The following ZBTB16 variants were observed in gnomAD, a reference collection of about 807,000 sequenced individuals.
The protein encoded by ZBTB16 is zinc finger and BTB domain-containing protein 16.
In ZBTB16, 8 loss-of-function variants were observed where a neutral mutation model predicts 56.8. The observed-to-expected ratio is 0.14, with a 90% CI of 0.08 to 0.25. The LOEUF is 0.25. Among genes scored for constraint, ZBTB16 ranks in the 10% least tolerant of loss-of-function variants. The pLI, the probability that ZBTB16 is intolerant of heterozygous loss-of-function variation, is 1.00. For synonymous variants in ZBTB16, 363 were observed against 368.5 expected (o/e 0.98, Z 0.17); for missense variants, 625 against 903.0 (o/e 0.69, Z 3.95).
In ZBTB16 at chr11:114,187,048, C is replaced by G. The variant is rs1188138472; in HGVS notation, c.1453+10C>G. On this transcript the variant is annotated intron_variant, in intron 4 of 6. Coordinates refer to ENST00000335953, the MANE Select transcript of ZBTB16 (RefSeq NM_006006.6). ...AGGCAGACCCATACTGGTGAGTTGA[C>G]TTGGATTCCTGTTCTCCAGGTTTTC... 2 of 1,613,552 alleles carry G rather than the reference C, an allele frequency of 1.2e-6. No individual in the cohort carries two copies. The highest frequency in any genetic ancestry group is 1.7e-5 in the Admixed American group (1 of 59,996).
Position 114,064,028 on chromosome 11 carries a change from C to T in ZBTB16, c.728C>T (p.Thr243Met), listed in dbSNP as rs749320934. The T allele has an allele frequency of 6.9e-5, 112 of 1,613,010 alleles. No individual in the cohort carries two copies. The South Asian group carries it at 7.1e-4, about 10-fold the overall frequency. Residue 243 changes from threonine to methionine, a missense_variant, in exon 2 of 7, where the codon ACG becomes ATG. By Grantham distance (81) the Thr-to-Met change is moderately conservative. Transcript: ENST00000335953. The surrounding 1 kb of genome is among the most constrained non-coding windows in gnomAD (Gnocchi z 4.2). Reference sequence around the variant, plus strand: ...CACCCTGGGGTGGCTGAGGTGAAGACGGAGATGATGCAGGTGGATGAGGTG... The same window carrying T: ...CACCCTGGGGTGGCTGAGGTGAAGATGGAGATGATGCAGGTGGATGAGGTG... ...GRHPGVAEVK[T>M]EMMQVDEVPS... is the part of the protein sequence containing the mutation.
chr11:114,231,728 A>G lies in ZBTB16; in HGVS notation c.1454-10439A>G, dbSNP rs1944444669. On this transcript the variant is annotated intron_variant, in intron 4 of 6. Transcript: ENST00000335953. Reference sequence around the variant, plus strand: ...CCTAAGAATGTGGTTCCTTTTAGTTAAAGAGATTCTCTTTAGCTAAAAGAA... The same window carrying G: ...CCTAAGAATGTGGTTCCTTTTAGTTGAAGAGATTCTCTTTAGCTAAAAGAA... 2.6e-5 allele frequency among the ~76,000 whole-genome samples: 4 copies of G among 152,258 alleles called. No individual in the cohort carries two copies. The South Asian group carries it at 8.3e-4, about 32-fold the overall frequency.
At position 114,177,108 on chromosome 11, in the gene ZBTB16, T is replaced by A. The variant is rs147912304; in HGVS notation, c.1367-9844T>A. 4.8e-3 allele frequency among the ~76,000 whole-genome samples: 729 copies of A among 152,340 alleles called. 8 individuals carry two copies. The highest frequency in any genetic ancestry group is 0.015 in the African/African-American group (644 of 41,582). The stretch of plus-strand genomic sequence containing the variant: ...TTGATGAAGTGAAATTATTCTATAA[T>A]CATGATAATGACTGTGACTTGAGCA... On this transcript the variant is annotated intron_variant, in intron 3 of 6. Transcript: ENST00000335953.
intron 2 of ZBTB16, among the ~76,000 whole-genome samples, chr11:114,092,089 G>A (rs1444484029): frequency 6.6e-6 from 1 of 152,180 alleles, no homozygotes; most frequent in East Asian, 1.9e-4. Flanking sequence ...GTGGAAGGAG[G>A]TCCCGGCCAG....
At chr11:114,221,473 A>G (rs1035915740) in intron 4 of ZBTB16, among the ~76,000 whole-genome samples, 1 of 152,232 alleles carries the variant, frequency 6.6e-6, no homozygotes, top group African/African-American at 2.4e-5. Context: ...AGCAAATGAC[A>G]GTGGAGGCCA....
chr11:114,085,997 A>G (rs1169257195), intron 2 of ZBTB16, among the ~76,000 whole-genome samples: 1 of 152,090 alleles, frequency 6.6e-6, no homozygotes, highest in Admixed American at 6.5e-5. Context: ...TCAGCCTTCT[A>G]CGTATTTAGT....
At chr11:114,178,958 T>C (rs1380709412) in intron 3 of ZBTB16, among the ~76,000 whole-genome samples, 1 of 152,172 alleles carries the variant, frequency 6.6e-6, no homozygotes, top group African/African-American at 2.4e-5. Context: ...CGTTGTTCTG[T>C]TGCTCAGCCC....
chr11:114,224,890 G>A (rs1216851783), intron 4 of ZBTB16, among the ~76,000 whole-genome samples: 1 of 152,210 alleles, frequency 6.6e-6, no homozygotes, highest in East Asian at 1.9e-4. Flanking sequence ...GGGAGTCGCT[G>A]GATATCAAAG....
At chr11:114,221,740 G>C (rs1944235308) in intron 4 of ZBTB16, among the ~76,000 whole-genome samples, 1 of 152,164 alleles carries the variant, frequency 6.6e-6, no homozygotes, top group Admixed American at 6.5e-5. Flanking sequence ...CATTTCCAAG[G>C]CCTGTCAGAG....
intron 4 of ZBTB16, among the ~76,000 whole-genome samples, chr11:114,240,788 G>A (rs1265960235): frequency 6.6e-6 from 1 of 152,200 alleles, no homozygotes; most frequent in African/African-American, 2.4e-5. Context: ...TATGTGTGGG[G>A]TACTTTGGGG....
intron 4 of ZBTB16, among the ~76,000 whole-genome samples, chr11:114,239,926 C>A (rs1455267838): frequency 6.6e-6 from 1 of 152,178 alleles, no homozygotes; most frequent in Non-Finnish European, 1.5e-5. Context: ...TGATCTTAGG[C>A]AAGTTATTTA....
At chr11:114,152,502 T>C (rs564119666) in intron 2 of ZBTB16, among the ~76,000 whole-genome samples, 2 of 152,354 alleles carry the variant, frequency 1.3e-5, no homozygotes, top group South Asian at 4.1e-4. Flanking sequence ...GGTTAATGTG[T>C]TCTTTGTCTT....
At chr11:114,183,903 A>G (rs983309456) in intron 3 of ZBTB16, among the ~76,000 whole-genome samples, 18 of 152,172 alleles carry the variant, frequency 1.2e-4, no homozygotes, top group Non-Finnish European at 8.8e-5. Context: ...TGGGGGCTAG[A>G]AGTTTTCTTG....
At chr11:114,139,815 C>G (rs1033597306) in intron 2 of ZBTB16, among the ~76,000 whole-genome samples, 1 of 152,156 alleles carries the variant, frequency 6.6e-6, no homozygotes, top group African/African-American at 2.4e-5. Flanking sequence ...CGCAAAGAAT[C>G]TGTTTCTCTG....
intron 4 of ZBTB16, among the ~76,000 whole-genome samples, chr11:114,238,027 T>G (rs1376508923): frequency 6.6e-6 from 1 of 152,152 alleles, no homozygotes; most frequent in Non-Finnish European, 1.5e-5. Flanking sequence ...TCATAGTGTT[T>G]CCTTTCCAGC....
chr11:114,179,794 C>A (rs1028676490), intron 3 of ZBTB16, among the ~76,000 whole-genome samples: 1 of 151,844 alleles, frequency 6.6e-6, no homozygotes, highest in African/African-American at 2.4e-5. Flanking sequence ...TGATTGCATT[C>A]AGTGTCTTCT....
intron 4 of ZBTB16, among the ~76,000 whole-genome samples, chr11:114,235,504 CATA>C (rs1944545646): frequency 2.0e-5 from 3 of 152,270 alleles, no homozygotes; most frequent in African/African-American, 7.2e-5. Flanking sequence ...TTTTGTGTTT[CATA>C]ATTTCAGACC....
intron 3 of ZBTB16, among the ~76,000 whole-genome samples, chr11:114,182,728 A>T (rs1262875796): frequency 1.3e-5 from 2 of 152,176 alleles, no homozygotes; most frequent in Non-Finnish European, 2.9e-5. Context: ...TTGATGCTTT[A>T]TAAATGTATT....
Position 114,250,233 on chromosome 11 carries a change from A to G in ZBTB16, c.1793-93A>G. 1 of 1,433,966 alleles carries G rather than the reference A, an allele frequency of 7.0e-7. No individual in the cohort carries two copies. The highest frequency in any genetic ancestry group is 9.7e-7 in the Non-Finnish European group (1 of 1,031,180). The allele number at this position is 1,433,966 out of a possible 1,614,324, so 88.8% of individuals were successfully genotyped here. A position where few individuals can be genotyped will look rare whatever the true frequency, so the allele number is the denominator to read the frequency against. ...TGTTGGAGCAAGCCCAGCTGGAGGA[A>G]CCCAGCTTCCCTGGCACGCCTGAGG... On this transcript the variant is annotated intron_variant, in intron 6 of 6. Transcript: ENST00000335953. The surrounding 1 kb of genome is among the most constrained non-coding windows in gnomAD (Gnocchi z 6.0).
Sources: allele counts gnomAD v4.1 joint callset (sites outside exome capture counted in the v4.1 genomes callset), GRCh38; gene constraint gnomAD v4.1.1; non-coding constraint Gnocchi (gnomAD v3.1); transcripts MANE v1.5; gene names NCBI Gene and HGNC (gene_info 2026-07-23, HGNC 2026-07-21).